The following MAP3K7 variants were observed in gnomAD, a reference collection of about 807,000 sequenced individuals.
MAP3K7 encodes the protein mitogen-activated protein kinase kinase kinase 7.
A neutral mutation model predicts 84.8 loss-of-function variants in MAP3K7; 21 were observed. The observed-to-expected ratio is 0.25, with a 90% CI of 0.18 to 0.36. The LOEUF (loss-of-function observed/expected upper bound fraction) is 0.36. MAP3K7 is among the 10% of genes least tolerant of loss of function. The probability of loss-of-function intolerance (pLI) is 1.00; values close to 1 mark genes in which losing one functional copy is unlikely to be tolerated. For synonymous variants in MAP3K7, 241 were observed against 247.7 expected (o/e 0.97, Z 0.25); for missense variants, 503 against 747.7 (o/e 0.67, Z 3.82).
chr6:90,521,358 C>CA (rs1254721382), intron 14 of MAP3K7, among the ~76,000 whole-genome samples: 2 of 151,860 alleles, frequency 1.3e-5, no homozygotes, highest in East Asian at 3.9e-4. Context: ...TAAATTAAGG[C>CA]AAACTCTCTT....
At chr6:90,543,400 C>T (rs1775912640) in intron 12 of MAP3K7, among the ~76,000 whole-genome samples, 1 of 151,916 alleles carries the variant, frequency 6.6e-6, no homozygotes, top group African/African-American at 2.4e-5. Context: ...TAGTTTCTCA[C>T]CAGGGGAGAT....
intron 1 of MAP3K7, among the ~76,000 whole-genome samples, chr6:90,584,080 A>G (rs1030613320): frequency 1.3e-5 from 2 of 152,228 alleles, no homozygotes; most frequent in Non-Finnish European, 2.9e-5. Context: ...TTATATTGAT[A>G]TAATACAATT....
At chr6:90,561,515 G>T in intron 4 of MAP3K7, 107 bp downstream of exon 4, 7 of 727,416 alleles carry the variant, frequency 9.6e-6, no homozygotes, top group Admixed American at 2.5e-5. Flanking sequence ...TGCCCTTTTG[G>T]GACTCTGACG....
At position 90,563,734 on chromosome 6, in the gene MAP3K7, C is replaced by T. The variant is rs139906149; in HGVS notation, c.298-2067G>A. 8.3e-3 allele frequency among the ~76,000 whole-genome samples: 1,268 copies of T among 152,244 alleles called. 17 individuals are homozygous for T. The highest frequency in any genetic ancestry group is 0.029 in the African/African-American group (1,208 of 41,532). ...TACAGAGAACGCCACAAAGATACTC[C>T]TCGAGAAGAGCAACTCCAAGATACA... On this transcript the variant is annotated intron_variant, in intron 3 of 16. Transcript: ENST00000369329.
intron 3 of MAP3K7, among the ~76,000 whole-genome samples, chr6:90,566,045 G>A (rs1350442478): frequency 6.6e-6 from 1 of 151,986 alleles, no homozygotes; most frequent in African/African-American, 2.4e-5. Context: ...AATAAACTAG[G>A]TACTGATGGG....
At chr6:90,548,292 T>C (rs1776069623) in intron 9 of MAP3K7, 115 bp from the exon 10 acceptor site, 2 of 903,978 alleles carry the variant, frequency 2.2e-6, no homozygotes, top group Non-Finnish European at 1.6e-6. Flanking sequence ...AGAAATAAAA[T>C]AAGACTTTTC....
In MAP3K7 at chr6:90,547,215, C is replaced by T. The variant is rs371610125; in HGVS notation, c.1210+43G>A. ...ACTGAAACTACCATGGCCAAAAAGGCTTATATACATTTTCACTCTTCAGAC... is the reference window on the plus strand; with the variant it reads ...ACTGAAACTACCATGGCCAAAAAGGTTTATATACATTTTCACTCTTCAGAC... On this transcript the variant is annotated intron_variant, in intron 11 of 16. Coordinates refer to ENST00000369329, the MANE Select transcript of MAP3K7 (RefSeq NM_145331.3). 211 of 1,609,076 alleles carry T rather than the reference C, an allele frequency of 1.3e-4. No homozygotes were observed. In the African/African-American group the frequency reaches 2.3e-3, roughly 18 times the overall value.
At chr6:90,582,644 A>C (rs544670968) in intron 1 of MAP3K7, among the ~76,000 whole-genome samples, 6 of 152,170 alleles carry the variant, frequency 3.9e-5, no homozygotes, top group Non-Finnish European at 5.9e-5. Context: ...AATTCATCTT[A>C]GTGACTTTCC....
In MAP3K7 at chr6:90,514,337, C is replaced by T. The variant is rs924670039; in HGVS notation, c.*2164G>A. 1 of 151,974 alleles carries T rather than the reference C, an allele frequency of 6.6e-6. No individual in the cohort carries two copies. Among genetic ancestry groups the T allele is most frequent in the Non-Finnish European group, 1.5e-5 (1 of 67,964 alleles). The allele number at this position is 151,974 out of a possible 1,614,324, so 9.4% of individuals were successfully genotyped here. A position where few individuals can be genotyped will look rare whatever the true frequency, so the allele number is the denominator to read the frequency against. On this transcript the variant is annotated 3_prime_UTR_variant, in exon 17 of 17. Transcript: ENST00000369329. Reference sequence around the variant, plus strand: ...GGACTTAAAAGCATGAAATTGACAACACAACTACTTAAAAACAGAGTAAGG... The same window carrying T: ...GGACTTAAAAGCATGAAATTGACAATACAACTACTTAAAAACAGAGTAAGG...
chr6:90,543,110 T>C (rs1408457659), intron 12 of MAP3K7, among the ~76,000 whole-genome samples: 3 of 152,036 alleles, frequency 2.0e-5, no homozygotes, highest in Non-Finnish European at 4.4e-5. Flanking sequence ...TTTAAATGCT[T>C]CCACCTCTTT....
chr6:90,547,410 T>G (rs1776039086), intron 10 of MAP3K7, 23 bp from the exon 11 acceptor site: 12 of 1,603,214 alleles, frequency 7.5e-6, no homozygotes, highest in Admixed American at 1.8e-5. Context: ...CAGGTCAATC[T>G]GAATTACTGA....
chr6:90,543,505 T>G (rs1775914691), intron 12 of MAP3K7, among the ~76,000 whole-genome samples: 1 of 152,090 alleles, frequency 6.6e-6, no homozygotes, highest in Non-Finnish European at 1.5e-5. Context: ...CAACTGCTGA[T>G]ACAATCAATA....
intron 1 of MAP3K7, 72 bp from the exon 2 acceptor site, chr6:90,571,879 T>A: frequency 8.9e-6 from 6 of 674,660 alleles, no homozygotes; most frequent in East Asian, 3.0e-5. Flanking sequence ...ATCAGCCCAA[T>A]ATAAAAAACT....
intron 2 of MAP3K7, among the ~76,000 whole-genome samples, chr6:90,569,772 T>A (rs1776838866): frequency 6.6e-6 from 1 of 152,066 alleles, no homozygotes; most frequent in African/African-American, 2.4e-5. Context: ...ATCATGTCTG[T>A]CTTCAAACTT....
intron 3 of MAP3K7, among the ~76,000 whole-genome samples, chr6:90,568,326 T>C (rs1439246423): frequency 6.6e-6 from 1 of 152,166 alleles, no homozygotes; most frequent in Non-Finnish European, 1.5e-5. Context: ...TTAGAGTGTG[T>C]TGGTGACATA....
chr6:90,544,525 T>C (rs767377816), intron 12 of MAP3K7, 27 bp downstream of exon 12: 5 of 1,598,522 alleles, frequency 3.1e-6, no homozygotes, highest in African/African-American at 2.7e-5. Flanking sequence ...CCACAGCTAT[T>C]AGACCAACTC....
At chr6:90,551,420 A>G (rs145043139) in intron 8 of MAP3K7, 1 of 152,298 alleles carries the variant, frequency 6.6e-6, no homozygotes, top group African/African-American at 2.4e-5. Context: ...TAATGTACCA[A>G]AAACCAGAGG....
chr6:90,538,710 A>C (rs1046272711), intron 12 of MAP3K7, among the ~76,000 whole-genome samples: 2 of 151,874 alleles, frequency 1.3e-5, no homozygotes, highest in African/African-American at 4.8e-5. Flanking sequence ...AATGTCATTA[A>C]AACAGAGCCC....
At chr6:90,542,121 TTTCTAGAAA>T (rs1249341795) in intron 12 of MAP3K7, 71 of 467,318 alleles carry the variant, frequency 1.5e-4, no homozygotes, top group African/African-American at 1.4e-3. Context: ...AACAAAACAA[TTTCTAGAAA>T]GTATTAAGAA....
Sources: gnomAD v4.1 joint callset for allele counts (sites outside exome capture counted in the v4.1 genomes callset) on GRCh38, gnomAD v4.1.1 for gene constraint, MANE v1.5 for transcripts, NCBI Gene and HGNC (gene_info 2026-07-23, HGNC 2026-07-21) for gene names.